Variants in RTN1 observed in about 807,000 individuals in gnomAD.
RTN1 encodes reticulon 1.
In RTN1, 25 loss-of-function variants were observed where a neutral mutation model predicts 65.5. That is an observed-to-expected ratio of 0.38 (90% CI 0.28 to 0.53). The LOEUF is 0.53. Among genes scored for constraint, RTN1 ranks in the 20% least tolerant of loss-of-function variants. The pLI, the probability that RTN1 is intolerant of heterozygous loss-of-function variation, is 0.79. For synonymous variants in RTN1, 471 were observed against 447.6 expected, an observed-to-expected ratio of 1.05 and a Z score of -0.66; for missense variants, 983 against 1,025.4, an observed-to-expected ratio of 0.96 and a Z score of 0.57.
intron 3 of RTN1, among the ~76,000 whole-genome samples, chr14:59,617,387 A>G (rs1375051699): frequency 6.6e-6 from 1 of 152,246 alleles, no homozygotes; most frequent in African/African-American, 2.4e-5. Flanking sequence ...AAAAAGTATT[A>G]TCTAAAGTTC....
rs1053869898 is a variant in RTN1 at position 59,868,564 on chromosome 14, A to C, written c.241+1826T>G. ...TAAATTTTAAACGCTTTTACCACAAAAAAAAAGTACATGAGATGATGGATT... is the reference window on the plus strand; with the variant it reads ...TAAATTTTAAACGCTTTTACCACAACAAAAAAGTACATGAGATGATGGATT... On this transcript the variant is annotated intron_variant, in intron 1 of 8. Transcript: ENST00000267484. This position sits in a 1 kb window ranked among gnomAD's most constrained non-coding sequence, Gnocchi z 4.0. Among the ~76,000 whole-genome samples, 2 of 152,218 alleles carry C rather than the reference A, an allele frequency of 1.3e-5. No homozygotes were observed. Among genetic ancestry groups the C allele is most frequent in the Non-Finnish European group, 2.9e-5 (2 of 68,032 alleles).
At chr14:59,629,009 T>C (rs1882474390) in intron 3 of RTN1, among the ~76,000 whole-genome samples, 1 of 152,110 alleles carries the variant, frequency 6.6e-6, no homozygotes, top group Non-Finnish European at 1.5e-5. Context: ...GGTGTGTATA[T>C]CAAATAAACT....
Position 59,870,435 on chromosome 14 carries a change from C to G in RTN1, c.196G>C (p.Gly66Arg). 1.3e-6 allele frequency: 2 copies of G among 1,519,240 alleles called. No individual in the cohort carries two copies. Among genetic ancestry groups the G allele is most frequent in the Non-Finnish European group, 8.7e-7 (1 of 1,145,364 alleles). The allele number at this position is 1,519,240 out of a possible 1,614,324, so 94.1% of individuals were successfully genotyped here. A position where few individuals can be genotyped will look rare whatever the true frequency, so the allele number is the denominator to read the frequency against. The change falls in exon 1 of 9, where the codon GGC becomes CGC. Residue 66 changes from glycine to arginine, a missense_variant. Coordinates refer to ENST00000267484, the MANE Select transcript of RTN1 (RefSeq NM_021136.3). The surrounding 1 kb of genome is among the most constrained non-coding windows in gnomAD (Gnocchi z 5.1). ...REAASREAGSGPARQSPVAME... is the reference protein window; with the variant it reads ...REAASREAGSRPARQSPVAME... The stretch of plus-strand genomic sequence containing the variant: ...GCAACGGGCGACTGCCGGGCGGGGC[C>G]CGAGCCGGCTTCCCGCGACGCCGCT...
rs555525090 is a variant in RTN1 at position 59,861,326 on chromosome 14, T to C, written c.241+9064A>G. ...CTCTCTCTTTGCCTGCTGCCATCCA[T>C]GTAAGACATGACTCGCTCCTCCTTG... On this transcript the variant is annotated intron_variant, in intron 1 of 8. Coordinates refer to ENST00000267484, the MANE Select transcript of RTN1 (RefSeq NM_021136.3). Among the ~76,000 whole-genome samples, 13 of 152,328 alleles carry C rather than the reference T, an allele frequency of 8.5e-5. 1 individual carries two copies. In the East Asian group the frequency reaches 2.1e-3, roughly 25 times the overall value.
rs1887459951 is a variant in RTN1 at position 59,849,093 on chromosome 14, T to A, written c.241+21297A>T. On this transcript the variant is annotated intron_variant, in intron 1 of 8. Coordinates refer to ENST00000267484, the MANE Select transcript of RTN1 (RefSeq NM_021136.3). This position sits in a 1 kb window ranked among gnomAD's most constrained non-coding sequence, Gnocchi z 4.5. Reference sequence around the variant, plus strand: ...CCTTTTCTATATGTAGTTTATGGCCTTGGTTGGAAACAATAGAATTATGCA... The same window carrying A: ...CCTTTTCTATATGTAGTTTATGGCCATGGTTGGAAACAATAGAATTATGCA... 6.6e-6 allele frequency among the ~76,000 whole-genome samples: 1 copy of A among 152,222 alleles called. No individual in the cohort carries two copies.
At chr14:59,700,202 A>G (rs1884148359) in intron 3 of RTN1, among the ~76,000 whole-genome samples, 1 of 152,164 alleles carries the variant, frequency 6.6e-6, no homozygotes, top group Admixed American at 6.6e-5. Flanking sequence ...TACAATGACA[A>G]CTACAACATG....
chr14:59,602,205 C>T (rs1881601199), intron 8 of RTN1, among the ~76,000 whole-genome samples: 1 of 152,116 alleles, frequency 6.6e-6, no homozygotes, highest in Non-Finnish European at 1.5e-5. Flanking sequence ...ACCTAAAATG[C>T]CTCTCTCTAA....
intron 1 of RTN1, among the ~76,000 whole-genome samples, chr14:59,848,725 T>TACACC (rs1887452634): frequency 6.6e-6 from 1 of 152,160 alleles, no homozygotes; most frequent in African/African-American, 2.4e-5. Flanking sequence ...AAGAAAAAAA[T>TACACC]ACACCACTAA....
intron 1 of RTN1, among the ~76,000 whole-genome samples, chr14:59,807,557 ACAGG>A (rs1886659973): frequency 6.6e-6 from 1 of 152,226 alleles, no homozygotes; most frequent in Admixed American, 6.5e-5. Context: ...CTGGAAGGTC[ACAGG>A]CTGCTTCTAG....
chr14:59,658,843 C>A (rs187241210), intron 3 of RTN1, among the ~76,000 whole-genome samples: 5 of 152,268 alleles, frequency 3.3e-5, no homozygotes, highest in Middle Eastern at 3.4e-3. Flanking sequence ...AGGATCACAA[C>A]TCTTGGCCAG....
chr14:59,866,102 T>C (rs570776172), intron 1 of RTN1, among the ~76,000 whole-genome samples: 1 of 152,018 alleles, frequency 6.6e-6, no homozygotes, highest in African/African-American at 2.4e-5. Context: ...AGCAATAACT[T>C]GGGAATGAAG....
intron 3 of RTN1, among the ~76,000 whole-genome samples, chr14:59,636,010 A>G (rs1882658168): frequency 6.6e-6 from 1 of 152,226 alleles, no homozygotes; most frequent in Admixed American, 6.5e-5. Context: ...ACATCTAAAT[A>G]TATCTAACTT....
chr14:59,693,041 T>C (rs1023206680), intron 3 of RTN1, among the ~76,000 whole-genome samples: 1 of 152,116 alleles, frequency 6.6e-6, no homozygotes, highest in Non-Finnish European at 1.5e-5. Context: ...TTGGGATATA[T>C]TAGGTCATGA....
intron 1 of RTN1, among the ~76,000 whole-genome samples, chr14:59,772,052 A>T (rs1160860424): frequency 6.6e-6 from 1 of 152,272 alleles, no homozygotes; most frequent in Non-Finnish European, 1.5e-5. Flanking sequence ...CTGAACAAAT[A>T]GAACATCTGA....
At chr14:59,624,242 T>C (rs572817587) in intron 3 of RTN1, among the ~76,000 whole-genome samples, 2 of 152,224 alleles carry the variant, frequency 1.3e-5, no homozygotes, top group Non-Finnish European at 2.9e-5. Flanking sequence ...TAGAACACTA[T>C]ACTTTTAAGT....
chr14:59,804,248 C>T (rs1204922556), intron 1 of RTN1, among the ~76,000 whole-genome samples: 1 of 152,026 alleles, frequency 6.6e-6, no homozygotes. Context: ...TGTAGAATGT[C>T]CCTCAATTAG....
At chr14:59,858,504 C>A (rs1566750387) in intron 1 of RTN1, among the ~76,000 whole-genome samples, 1 of 148,682 alleles carries the variant, frequency 6.7e-6, no homozygotes, top group Non-Finnish European at 1.5e-5. Context: ...CAAAGATTTG[C>A]TATGCATAAA....
intron 1 of RTN1, among the ~76,000 whole-genome samples, chr14:59,859,825 A>C (rs1887675769): frequency 6.6e-6 from 1 of 152,190 alleles, no homozygotes; most frequent in South Asian, 2.1e-4. Flanking sequence ...AGACGGCAAC[A>C]TTTTGCCCTT....
At chr14:59,618,097 G>A (rs760478403) in intron 3 of RTN1, among the ~76,000 whole-genome samples, 6 of 152,106 alleles carry the variant, frequency 3.9e-5, no homozygotes, top group Non-Finnish European at 8.8e-5. Flanking sequence ...TCATTCCTGG[G>A]TGTAGGCTGA....
Sources: gnomAD v4.1 joint callset for allele counts (sites outside exome capture counted in the v4.1 genomes callset) on GRCh38, gnomAD v4.1.1 for gene constraint, Gnocchi (gnomAD v3.1) non-coding constraint, MANE v1.5 for transcripts, NCBI Gene and HGNC (gene_info 2026-07-23, HGNC 2026-07-21) for gene names.